Variants in SCUBE1 observed in about 807,000 individuals in gnomAD.
The protein encoded by SCUBE1 is signal peptide, CUB and EGF-like domain-containing protein 1.
A neutral mutation model predicts 124.4 loss-of-function variants in SCUBE1; 59 were observed. The ratio of observed to expected loss-of-function variants is 0.47; its 90% CI spans 0.38 to 0.59. The LOEUF (loss-of-function observed/expected upper bound fraction) is 0.59, where lower values mean the gene tolerates loss of function less well. Among genes scored for constraint, SCUBE1 ranks in the 20% least tolerant of loss-of-function variants. SCUBE1 has a pLI of 0.00. For synonymous variants in SCUBE1, 545 were observed against 550.9 expected (o/e 0.99, Z 0.15); for missense variants, 1,150 against 1,371.2 (o/e 0.84, Z 2.55).
At chr22:43,308,673 G>A (rs1406973482) in intron 3 of SCUBE1, among the ~76,000 whole-genome samples, 1 of 152,216 alleles carries the variant, frequency 6.6e-6, no homozygotes, top group Non-Finnish European at 1.5e-5. Flanking sequence ...CGCGGCGCCT[G>A]CACGGAGCAT....
intron 6 of SCUBE1, among the ~76,000 whole-genome samples, chr22:43,251,710 C>T (rs551153230): frequency 1.6e-4 from 25 of 152,340 alleles, no homozygotes; most frequent in Non-Finnish European, 3.1e-4. Flanking sequence ...GCCCTGCCGA[C>T]ATCTTCAATT....
chr22:43,248,669 C>G (rs1433930772), intron 6 of SCUBE1, among the ~76,000 whole-genome samples: 1 of 152,232 alleles, frequency 6.6e-6, no homozygotes, highest in Middle Eastern at 3.2e-3. Flanking sequence ...GAGGCCACGA[C>G]TTGAGAGGGG....
intron 4 of SCUBE1, among the ~76,000 whole-genome samples, chr22:43,263,819 C>T (rs1328558935): frequency 1.3e-5 from 2 of 152,220 alleles, no homozygotes; most frequent in African/African-American, 4.8e-5. Context: ...CCTTGATTTT[C>T]TCACTAATCA....
intron 4 of SCUBE1, among the ~76,000 whole-genome samples, chr22:43,263,888 T>C (rs1923965756): frequency 6.6e-6 from 1 of 152,158 alleles, no homozygotes; most frequent in South Asian, 2.1e-4. Context: ...CGGAAAGCGC[T>C]TTCATGCTGC....
At position 43,227,511 on chromosome 22, in the gene SCUBE1, G is replaced by A; in HGVS notation, c.1085-15C>T. The A allele has an allele frequency of 6.2e-7, 1 of 1,609,474 alleles. No homozygotes were observed. Among genetic ancestry groups the A allele is most frequent in the Non-Finnish European group, 8.5e-7 (1 of 1,178,804 alleles). ...CTCGTCCACATCTGGAAGCACAGCG[G>A]GCGTAAGGGCAGAGGGGAGGCTGGC... On this transcript the variant is annotated splice_polypyrimidine_tract_variant and intron_variant, in intron 9 of 21. Coordinates refer to ENST00000360835, the MANE Select transcript of SCUBE1 (RefSeq NM_173050.5).
At position 43,320,083 on chromosome 22, in the gene SCUBE1, T is replaced by C. The variant is rs773126619; in HGVS notation, c.221-18A>G. ...GTCAATGTCTGCAAAAGGAAGGGCA[T>C]GAGAGGTGTCAGAAGAAGAGCCTGG... On this transcript the variant is annotated intron_variant, in intron 2 of 21. Transcript: ENST00000360835. 1.9e-6 allele frequency: 3 copies of C among 1,613,330 alleles called. No individual in the cohort carries two copies. The Admixed American group carries it at 5.0e-5, about 27-fold the overall frequency.
At chr22:43,215,136 G>A (rs1004246320) in intron 15 of SCUBE1, among the ~76,000 whole-genome samples, 6 of 152,246 alleles carry the variant, frequency 3.9e-5, no homozygotes, top group African/African-American at 1.4e-4. Flanking sequence ...AAAGGAACCA[G>A]GGGTCCTTGG....
intron 4 of SCUBE1, among the ~76,000 whole-genome samples, chr22:43,273,893 G>A (rs1209609732): frequency 6.6e-6 from 1 of 152,132 alleles, no homozygotes; most frequent in Non-Finnish European, 1.5e-5. Context: ...TTTTGTAAGA[G>A]TGTTCAAGGG....
chr22:43,256,035 G>A (rs1923649606), intron 6 of SCUBE1, among the ~76,000 whole-genome samples: 1 of 152,318 alleles, frequency 6.6e-6, no homozygotes, highest in African/African-American at 2.4e-5. Flanking sequence ...AGGGCCACAA[G>A]GTCCGGTGAT....
chr22:43,343,134 C>T, intron 1 of SCUBE1, 40 bp downstream of exon 1: 1 of 1,056,804 alleles, frequency 9.5e-7, no homozygotes, highest in Non-Finnish European at 1.2e-6. Flanking sequence ...CCGCCCGAGC[C>T]CCCCGCGCCC....
At chr22:43,291,316 G>A (rs1165067045) in intron 3 of SCUBE1, 136 bp from the exon 4 acceptor site, 1 of 921,436 alleles carries the variant, frequency 1.1e-6, no homozygotes, top group Non-Finnish European at 1.7e-6. Context: ...GGGCCTCCCT[G>A]GTGCTGTGTG....
chr22:43,292,984 G>A (rs1439049049), intron 3 of SCUBE1, among the ~76,000 whole-genome samples: 1 of 152,226 alleles, frequency 6.6e-6, no homozygotes. Flanking sequence ...GCCTGGGGAG[G>A]AGGGAGAGGG....
rs1282136051 is a variant in SCUBE1 at position 43,258,292 on chromosome 22, C to T, written c.654G>A (p.Glu218=). 1.9e-6 allele frequency: 3 copies of T among 1,614,058 alleles called. No homozygotes were observed. The highest frequency in any genetic ancestry group is 1.7e-6 in the Non-Finnish European group (2 of 1,180,006). Residue 218 remains glutamate (E), a synonymous_variant, in exon 6 of 22, where the codon GAG becomes GAA. Transcript: ENST00000360835. This position sits in a 1 kb window ranked among gnomAD's most constrained non-coding sequence, Gnocchi z 5.0. ...CACACGTGGGGCCTGTGTCTGTGTC[C>T]TCACAGCTGTGCTGGCAGCCTCCGT... ...YGNGGCQHSC[E]DTDTGPTCGC... is the part of the protein sequence containing the mutation.
In SCUBE1 at chr22:43,208,112, G is replaced by C. The variant is rs1250792747; in HGVS notation, c.2694C>G (p.Asn898Lys). The change falls in exon 20 of 22, where the codon AAC becomes AAG. Residue 898 changes from asparagine (N) to lysine (K), a missense_variant. Physicochemically the swap from Asn to Lys is moderately conservative, Grantham distance 94. Transcript: ENST00000360835. ...AGGGCACTTGGAAGCCTTTGCCGCT[G>C]TTGCCTTCATTGGATTTGAACTGGA... ...LWIQFKSNEG[N>K]SGKGFQVPYV... The C allele has an allele frequency of 6.2e-7, 1 of 1,614,176 alleles. No individual in the cohort carries two copies. The highest frequency in any genetic ancestry group is 1.3e-5 in the African/African-American group (1 of 75,052).
At chr22:43,288,733 G>C (rs997423210) in intron 4 of SCUBE1, among the ~76,000 whole-genome samples, 3 of 152,158 alleles carry the variant, frequency 2.0e-5, no homozygotes, top group Non-Finnish European at 2.9e-5. Context: ...TCAGATCCTG[G>C]CTCTGCCTCT....
intron 3 of SCUBE1, among the ~76,000 whole-genome samples, chr22:43,294,463 A>C (rs937437238): frequency 1.3e-5 from 2 of 152,164 alleles, no homozygotes; most frequent in African/African-American, 2.4e-5. Flanking sequence ...GCACTATGAG[A>C]AACAGTACTT....
At chr22:43,325,997 C>T (rs528077806) in intron 2 of SCUBE1, among the ~76,000 whole-genome samples, 1 of 151,210 alleles carries the variant, frequency 6.6e-6, no homozygotes, top group Non-Finnish European at 1.5e-5. Flanking sequence ...TATACATTTA[C>T]TCTGTGGTGT....
intron 3 of SCUBE1, among the ~76,000 whole-genome samples, chr22:43,306,736 T>C (rs989754448): frequency 6.6e-6 from 1 of 152,090 alleles, no homozygotes; most frequent in South Asian, 2.1e-4. Context: ...AGCATGCCCC[T>C]TTCCAGGAAA....
chr22:43,255,963 T>C lies in SCUBE1; in HGVS notation c.727+2256A>G, dbSNP rs1923646174. On this transcript the variant is annotated intron_variant, in intron 6 of 21. Transcript: ENST00000360835. The surrounding 1 kb of genome is among the most constrained non-coding windows in gnomAD (Gnocchi z 4.7). ...GGTGCTTTACGGAGACACAAGTGAT[T>C]ACAGACCCCCGTGGCTCAGGCTGGA... Among the ~76,000 whole-genome samples the C allele has an allele frequency of 6.6e-6, 1 of 151,994 alleles. No individual in the cohort carries two copies. The highest frequency in any genetic ancestry group is 2.1e-4 in the South Asian group (1 of 4,806).
Sources: gnomAD v4.1 joint callset for allele counts (sites outside exome capture counted in the v4.1 genomes callset) on GRCh38, gnomAD v4.1.1 for gene constraint, Gnocchi (gnomAD v3.1) non-coding constraint, MANE v1.5 for transcripts, NCBI Gene and HGNC (gene_info 2026-07-23, HGNC 2026-07-21) for gene names.